DOCK9: variants seen among roughly 807,000 people sequenced by gnomAD.
The protein encoded by DOCK9 is dedicator of cytokinesis 9.
A neutral mutation model predicts 263.3 loss-of-function variants in DOCK9; 89 were observed. The ratio of observed to expected loss-of-function variants is 0.34; its 90% CI spans 0.28 to 0.40. The LOEUF is 0.40. DOCK9 is among the 10% of genes least tolerant of loss of function. The probability of loss-of-function intolerance (pLI) is 1.00; values close to 1 mark genes in which losing one functional copy is unlikely to be tolerated. For synonymous variants in DOCK9, 976 were observed against 973.1 expected (o/e 1.00, Z -0.06); for missense variants, 2,140 against 2,603.4 (o/e 0.82, Z 3.87).
At chr13:99,034,484 T>A (rs1309382445) in intron 1 of DOCK9, among the ~76,000 whole-genome samples, 1 of 152,226 alleles carries the variant, frequency 6.6e-6, no homozygotes, top group Non-Finnish European at 1.5e-5. Context: ...CCTGGTTCTG[T>A]CAGTTTCTGA....
chr13:98,967,431 T>C (rs1227942964), intron 1 of DOCK9, among the ~76,000 whole-genome samples: 2 of 152,222 alleles, frequency 1.3e-5, no homozygotes, highest in African/African-American at 4.8e-5. Flanking sequence ...ACCATTTCAC[T>C]GATGAGGAAA....
intron 1 of DOCK9, among the ~76,000 whole-genome samples, chr13:99,062,541 A>G (rs573291973): frequency 3.3e-5 from 5 of 152,224 alleles, no homozygotes; most frequent in African/African-American, 9.6e-5. Context: ...AAAGTAACCA[A>G]TTTCCTTCTC....
chr13:98,859,753 G>GTGTATATA lies in DOCK9; in HGVS notation c.3697+651_3697+652insTATATACA, dbSNP rs780605483. 6.0e-4 allele frequency: 79 copies of GTGTATATA among 132,540 alleles called. 1 individual carries two copies. Among genetic ancestry groups the GTGTATATA allele is most frequent in the African/African-American group, 1.9e-3 (69 of 36,764 alleles). 8.2% of individuals were successfully genotyped at this position (132,540 alleles called of 1,614,324 possible). A position where few individuals can be genotyped will look rare whatever the true frequency, so the allele number is the denominator to read the frequency against. ...TTTGTGTGTGTGTGTGTGTGTGTGT[G>GTGTATATA]TATATATATATATATATATGTAAAC... is the stretch of plus-strand genomic sequence containing the variant. On this transcript the variant is annotated intron_variant, in intron 33 of 52. Coordinates refer to ENST00000682017, the MANE Select transcript of DOCK9 (RefSeq NM_001366683.2).
chr13:98,846,498 G>C, intron 37 of DOCK9: 1 of 1,349,950 alleles, frequency 7.4e-7, no homozygotes, highest in Non-Finnish European at 9.8e-7. Context: ...GATTATATGA[G>C]TTTTAACACC....
intron 27 of DOCK9, among the ~76,000 whole-genome samples, chr13:98,872,704 C>T (rs1181049321): frequency 1.3e-5 from 2 of 152,186 alleles, no homozygotes; most frequent in Non-Finnish European, 2.9e-5. Context: ...TTGCGCCCAG[C>T]CTACAAACTC....
chr13:98,857,909 C>T (rs1170432249), intron 33 of DOCK9: 2 of 152,024 alleles, frequency 1.3e-5, no homozygotes, highest in African/African-American at 4.8e-5. Flanking sequence ...CATGCTATGA[C>T]CAAATTATAA....
chr13:99,073,087 C>T (rs879646304), intron 1 of DOCK9, among the ~76,000 whole-genome samples: 1 of 152,146 alleles, frequency 6.6e-6, no homozygotes, highest in Non-Finnish European at 1.5e-5. Context: ...GGAATGCTGA[C>T]CAACTGATTT....
At chr13:98,820,049 A>G (rs563684909) in intron 45 of DOCK9, among the ~76,000 whole-genome samples, 1 of 152,384 alleles carries the variant, frequency 6.6e-6, no homozygotes, top group African/African-American at 2.4e-5. Context: ...TATGTTCTAT[A>G]AAGTCACTGT....
chr13:98,951,914 T>TTTTTTTTTTTTTTTTA (rs2057467177), intron 2 of DOCK9, among the ~76,000 whole-genome samples: 3 of 151,330 alleles, frequency 2.0e-5, no homozygotes, highest in East Asian at 1.9e-4. Flanking sequence ...TTTTTTTTTT[T>TTTTTTTTTTTTTTTTA]GAGATGGAGT....
intron 1 of DOCK9, chr13:99,015,567 G>T (rs1198905588): frequency 6.3e-7 from 1 of 1,598,128 alleles, no homozygotes. Context: ...CAAAAACGGT[G>T]CGGATGCCTT....
chr13:98,947,107 G>A (rs1422059148), intron 2 of DOCK9, among the ~76,000 whole-genome samples: 1 of 152,192 alleles, frequency 6.6e-6, no homozygotes, highest in East Asian at 1.9e-4. Context: ...CAGCACTTGA[G>A]TGTTCCACTA....
rs577903151 is a variant in DOCK9, at chr13:98,920,027, A to AGATG, written c.717+923_717+926dup. Among the ~76,000 whole-genome samples the AGATG allele has an allele frequency of 3.5e-3, 537 of 152,178 alleles. 10 individuals are homozygous for AGATG. The highest frequency in any genetic ancestry group is 0.026 in the Admixed American group (398 of 15,290). On this transcript the variant is annotated intron_variant, in intron 7 of 52. Transcript: ENST00000682017. ...AGGCTGGATGAATGGAGGGGTGGAC[A>AGATG]GATGGATGGATGGATGGATGGATGG...
At chr13:99,060,277 C>G (rs2041128492) in intron 1 of DOCK9, among the ~76,000 whole-genome samples, 1 of 151,720 alleles carries the variant, frequency 6.6e-6, no homozygotes, top group African/African-American at 2.4e-5. Context: ...CGGGGTTTCA[C>G]CGTGTTAGCC....
chr13:99,083,716 G>T (rs1022287832), intron 1 of DOCK9, among the ~76,000 whole-genome samples: 2 of 152,026 alleles, frequency 1.3e-5, no homozygotes, highest in African/African-American at 2.4e-5. Context: ...TGAAGCTATT[G>T]AACAATGAAA....
chr13:98,885,465 G>A, intron 20 of DOCK9: 1 of 548,420 alleles, frequency 1.8e-6, no homozygotes, highest in Admixed American at 2.6e-5. Flanking sequence ...ATTAGCCAGT[G>A]GGTGTGGTGC....
intron 1 of DOCK9, among the ~76,000 whole-genome samples, chr13:99,019,344 C>T (rs977126628): frequency 2.0e-5 from 3 of 152,156 alleles, no homozygotes; most frequent in African/African-American, 4.8e-5. Flanking sequence ...AATCTATACA[C>T]ACATATAGTC....
chr13:98,955,634 T>A, intron 1 of DOCK9, 83 bp from the exon 2 acceptor site: 1 of 898,010 alleles, frequency 1.1e-6, no homozygotes, highest in Non-Finnish European at 1.7e-6. Flanking sequence ...TTCTACTCTA[T>A]GTTTTGTATT....
At chr13:99,019,130 AC>A (rs1159767082) in intron 1 of DOCK9, among the ~76,000 whole-genome samples, 6 of 152,240 alleles carry the variant, frequency 3.9e-5, no homozygotes, top group Admixed American at 6.5e-5. Flanking sequence ...GAAGCCAGGC[AC>A]CAAAGACCCC....
At chr13:98,978,174 A>C, upstream of DOCK9, 1 of 1,194,750 alleles carries the variant, frequency 8.4e-7, no homozygotes, top group Non-Finnish European at 1.1e-6. Flanking sequence ...TCCAAGCTGA[A>C]CAATACACAG....
Sources: allele counts gnomAD v4.1 joint callset (sites outside exome capture counted in the v4.1 genomes callset), GRCh38; gene constraint gnomAD v4.1.1; transcripts MANE v1.5; gene names NCBI Gene and HGNC (gene_info 2026-07-23, HGNC 2026-07-21).